The following MCC variants were observed in gnomAD, a reference collection of about 807,000 sequenced individuals.
The protein encoded by MCC is MCC regulator of Wnt signaling pathway.
A neutral mutation model predicts 116.2 loss-of-function variants in MCC; 90 were observed. The observed-to-expected ratio is 0.77, with a 90% confidence interval of 0.65 to 0.92. MCC has a LOEUF of 0.92. Among genes scored for constraint, MCC ranks in the 40% least tolerant of loss-of-function variants. The pLI, the probability that MCC is intolerant of heterozygous loss-of-function variation, is 0.00. For missense variants in MCC, 1,516 were observed against 1,312.2 expected, an observed-to-expected ratio of 1.16 and a Z score of -2.40; for synonymous variants, 578 against 510.5, an observed-to-expected ratio of 1.13 and a Z score of -1.78.
At position 113,054,050 on chromosome 5, in the gene MCC, C is replaced by A. The variant is rs4705536; in HGVS notation, c.2214-91G>T. The A allele has an allele frequency of 1.9e-3, 1,705 of 893,970 alleles. 18 individuals are homozygous for A. The African/African-American group carries it at 0.023, about 12-fold the overall frequency. The allele number at this position is 893,970 out of a possible 1,614,324, so 55.4% of individuals were successfully genotyped here. A position where few individuals can be genotyped will look rare whatever the true frequency, so the allele number is the denominator to read the frequency against. On this transcript the variant is annotated intron_variant, in intron 14 of 18. Transcript: ENST00000408903. ...TCCTCCTCACTCTTCTCCACATTCC[C>A]TCTCCCCAGTGTTATTTAGATGGTA...
intron 1 of MCC, among the ~76,000 whole-genome samples, chr5:113,389,767 T>G (rs1299372522): frequency 6.6e-6 from 1 of 152,170 alleles, no homozygotes; most frequent in Non-Finnish European, 1.5e-5. Context: ...TCACATTTGT[T>G]TTGATGGAAT....
At chr5:113,176,253 T>G (rs1761326776) in intron 3 of MCC, among the ~76,000 whole-genome samples, 1 of 151,388 alleles carries the variant, frequency 6.6e-6, no homozygotes, top group African/African-American at 2.5e-5. Flanking sequence ...AATAAGGTCA[T>G]AAAGCTGCAA....
At chr5:113,266,273 T>C (rs1361130479) in intron 3 of MCC, among the ~76,000 whole-genome samples, 3 of 151,422 alleles carry the variant, frequency 2.0e-5, no homozygotes, top group East Asian at 1.9e-4. Context: ...AAAACCATTA[T>C]CACCAGCAAT....
chr5:113,037,627 G>A (rs1404875384), intron 17 of MCC, among the ~76,000 whole-genome samples: 1 of 152,178 alleles, frequency 6.6e-6, no homozygotes, highest in African/African-American at 2.4e-5. Flanking sequence ...TGGGGAGGTT[G>A]AGTCTGCACA....
At chr5:113,172,987 G>T (rs1246826664) in intron 3 of MCC, among the ~76,000 whole-genome samples, 4 of 151,960 alleles carry the variant, frequency 2.6e-5, no homozygotes, top group African/African-American at 9.7e-5. Flanking sequence ...TTAATTGCCT[G>T]TTTATGTTCT....
intron 3 of MCC, among the ~76,000 whole-genome samples, chr5:113,333,844 T>TACAG (rs368087327): frequency 1.9e-5 from 1 of 52,178 alleles, no homozygotes; most frequent in South Asian, 5.2e-4. Context: ...TGTATATATG[T>TACAG]ATATATGTAC....
chr5:113,033,008 CCCCAAGGCTGCTCTATGGAGTAGCCA>C (rs1751065605), intron 17 of MCC, among the ~76,000 whole-genome samples: 1 of 152,224 alleles, frequency 6.6e-6, no homozygotes, highest in East Asian at 1.9e-4. Context: ...AACCAGCAGC[CCCCAAGGCTGCTCTATGGAGTAGCCA>C]TTCTTTTCCT....
chr5:113,352,783 T>C (rs1337459763), intron 2 of MCC, among the ~76,000 whole-genome samples: 1 of 152,166 alleles, frequency 6.6e-6, no homozygotes, highest in African/African-American at 2.4e-5. Context: ...TCGGTATTTG[T>C]GTTAACATGA....
intron 3 of MCC, among the ~76,000 whole-genome samples, chr5:113,172,966 GA>G (rs1435775944): frequency 2.0e-5 from 3 of 152,006 alleles, no homozygotes; most frequent in Non-Finnish European, 2.9e-5. Flanking sequence ...CTGGACACAT[GA>G]ATTTGTTTTT....
rs1049997473 is a variant in MCC, at chr5:113,382,426, G to A, written c.415+2542C>T. Among the ~76,000 whole-genome samples the A allele has an allele frequency of 2.6e-5, 4 of 151,906 alleles. No homozygotes were observed. The East Asian group carries it at 7.7e-4, about 29-fold the overall frequency. The stretch of plus-strand genomic sequence containing the variant: ...GCTAGGACAACAGGCATGCACCACT[G>A]CACCTGGCTAACTTTTAAATTTTTT... On this transcript the variant is annotated intron_variant, in intron 2 of 18. Coordinates refer to ENST00000408903, the MANE Select transcript of MCC (RefSeq NM_001085377.2).
chr5:113,397,490 A>G (rs1030819315), intron 1 of MCC, among the ~76,000 whole-genome samples: 9 of 152,250 alleles, frequency 5.9e-5, no homozygotes, highest in African/African-American at 2.2e-4. Context: ...GATTGAAAGA[A>G]AGAATAAACA....
In MCC at chr5:113,039,718, C is replaced by T. The variant is rs57923020; in HGVS notation, c.2756+3812G>A. 7.6e-4 allele frequency among the ~76,000 whole-genome samples: 84 copies of T among 109,896 alleles called. 3 individuals carry two copies. The highest frequency in any genetic ancestry group is 2.6e-3 in the African/African-American group (81 of 31,530). The allele number at this position is 109,896 out of a possible 152,430, so 72.1% of individuals were successfully genotyped here. A position where few individuals can be genotyped will look rare whatever the true frequency, so the allele number is the denominator to read the frequency against. On this transcript the variant is annotated intron_variant, in intron 17 of 18. Transcript: ENST00000408903. ...CTTGCCGTCCCACTCCGCGCCCCCC[C>T]CCCCAACCCACCCCAGGATCACATG...
rs145619482 is a variant in MCC, at chr5:113,104,446, G to A, written c.1028-91C>T. 8.3e-4 allele frequency: 931 copies of A among 1,115,786 alleles called. 12 individuals carry two copies. The East Asian group carries it at 0.02, about 24-fold the overall frequency. 69.1% of individuals were successfully genotyped at this position (1,115,786 alleles called of 1,614,324 possible). On this transcript the variant is annotated intron_variant, in intron 6 of 18. Coordinates refer to ENST00000408903, the MANE Select transcript of MCC (RefSeq NM_001085377.2). ...GAGGGACTCATTCAGGTAATGGGATGGCAATGGAGCCTGACATTTCAAAGT... is the reference window on the plus strand; with the variant it reads ...GAGGGACTCATTCAGGTAATGGGATAGCAATGGAGCCTGACATTTCAAAGT...
intron 3 of MCC, among the ~76,000 whole-genome samples, chr5:113,210,721 A>C (rs1399616227): frequency 6.6e-6 from 1 of 152,248 alleles, no homozygotes; most frequent in Non-Finnish European, 1.5e-5. Flanking sequence ...GTTAATATCT[A>C]GTAAAGATAG....
At chr5:113,389,084 A>AT (rs1561548060) in intron 1 of MCC, among the ~76,000 whole-genome samples, 1 of 152,232 alleles carries the variant, frequency 6.6e-6, no homozygotes, top group African/African-American at 2.4e-5. Flanking sequence ...TTACACATGA[A>AT]TGAGAATATA....
At chr5:113,485,959 A>G (rs1045476674) in intron 1 of MCC, among the ~76,000 whole-genome samples, 4 of 152,236 alleles carry the variant, frequency 2.6e-5, no homozygotes, top group African/African-American at 7.2e-5. Context: ...CACCCACTAC[A>G]GAGTGGTAAG....
At position 113,022,616 on chromosome 5, in the gene MCC, A is replaced by G. The variant is rs1014230660; in HGVS notation, c.*4686T>C. ...TTGCCATTCCTGACATGAGCACTAT[A>G]AGTGAATACTATGAGTTCTACAAAC... On this transcript the variant is annotated 3_prime_UTR_variant, in exon 19 of 19. Transcript: ENST00000408903. 2.0e-5 allele frequency: 3 copies of G among 152,242 alleles called. No homozygotes were observed. The highest frequency in any genetic ancestry group is 4.8e-5 in the African/African-American group (2 of 41,466). 9.4% of individuals were successfully genotyped at this position (152,242 alleles called of 1,614,324 possible).
At chr5:113,310,129 T>C (rs992688636) in intron 3 of MCC, among the ~76,000 whole-genome samples, 10 of 152,192 alleles carry the variant, frequency 6.6e-5, no homozygotes, top group Non-Finnish European at 1.3e-4. Flanking sequence ...TGAATGAGGG[T>C]GTCCCCTTCA....
In MCC at chr5:113,117,121, C is replaced by A. The variant is rs1423194495; in HGVS notation, c.1027+5563G>T. Among the ~76,000 whole-genome samples the A allele has an allele frequency of 5.9e-5, 9 of 152,224 alleles. No homozygotes were observed. In the East Asian group the frequency reaches 1.7e-3, roughly 29 times the overall value. On this transcript the variant is annotated intron_variant, in intron 6 of 18. Coordinates refer to ENST00000408903, the MANE Select transcript of MCC (RefSeq NM_001085377.2). Reference sequence around the variant, plus strand: ...AGACAGCTTGCCTTACCTGTGTAAACACATTTCTCCAGGTCTGCAAAAACT... The same window carrying A: ...AGACAGCTTGCCTTACCTGTGTAAAAACATTTCTCCAGGTCTGCAAAAACT...
Sources: allele counts gnomAD v4.1 joint callset (sites outside exome capture counted in the v4.1 genomes callset), GRCh38; gene constraint gnomAD v4.1.1; transcripts MANE v1.5; gene names NCBI Gene and HGNC (gene_info 2026-07-23, HGNC 2026-07-21).